Variants in CDH23 observed in about 807,000 individuals in gnomAD.
The protein encoded by CDH23 is cadherin related 23, also known as cadherin-23.
In CDH23, 189 loss-of-function variants were observed where a neutral mutation model predicts 317.1. The observed-to-expected ratio is 0.60, with a 90% CI of 0.53 to 0.67. The LOEUF (loss-of-function observed/expected upper bound fraction) is 0.67. Among genes scored for constraint, CDH23 ranks in the 30% least tolerant of loss-of-function variants. The probability of loss-of-function intolerance (pLI) is 0.00; values close to 1 mark genes in which losing one functional copy is unlikely to be tolerated. For synonymous variants in CDH23, 1,839 were observed against 1,876.8 expected (o/e 0.98, Z 0.52); for missense variants, 4,401 against 4,592.4 (o/e 0.96, Z 1.20).
chr10:71,586,950 T>C (rs1859112331), intron 9 of CDH23, among the ~76,000 whole-genome samples: 1 of 152,252 alleles, frequency 6.6e-6, no homozygotes, highest in Non-Finnish European at 1.5e-5. Context: ...TATTCATCCA[T>C]TTCCCTGTTG....
chr10:71,644,035 A>T (rs1648566565), intron 12 of CDH23, among the ~76,000 whole-genome samples, 169 bp downstream of exon 12: 1 of 152,190 alleles, frequency 6.6e-6, no homozygotes, highest in African/African-American at 2.4e-5. Flanking sequence ...AGTTGGTGTC[A>T]CCTGTTCAAA....
chr10:71,694,081 C>T, intron 20 of CDH23, 66 bp from the exon 21 acceptor site: 3 of 1,234,054 alleles, frequency 2.4e-6, no homozygotes, highest in Non-Finnish European at 3.6e-6. Context: ...CGCTCTCTCT[C>T]TTCTTCCCTC....
chr10:71,408,856 C>T (rs549537150), intron 1 of CDH23, among the ~76,000 whole-genome samples: 13 of 152,290 alleles, frequency 8.5e-5, no homozygotes, highest in South Asian at 8.3e-4. Flanking sequence ...GTTTTTCCTT[C>T]CTACTTTCCT....
chr10:71,443,912 G>A (rs753679267), intron 2 of CDH23, among the ~76,000 whole-genome samples: 1 of 152,266 alleles, frequency 6.6e-6, no homozygotes, highest in Non-Finnish European at 1.5e-5. Flanking sequence ...CCCACGTCCC[G>A]GAGTCTGCCT....
intron 1 of CDH23, among the ~76,000 whole-genome samples, chr10:71,402,241 G>A (rs1847812932): frequency 1.3e-5 from 2 of 152,268 alleles, no homozygotes; most frequent in Admixed American, 1.3e-4. Flanking sequence ...CTCAGCCTCA[G>A]GGGCTGCAGG....
intron 38 of CDH23, among the ~76,000 whole-genome samples, chr10:71,763,185 T>C (rs902481318): frequency 1.3e-5 from 2 of 152,228 alleles, no homozygotes; most frequent in Non-Finnish European, 2.9e-5. Flanking sequence ...TTTATTTATT[T>C]GTTTTTGAGA....
At chr10:71,662,177 G>A (rs369446021) in intron 14 of CDH23, among the ~76,000 whole-genome samples, 25 of 152,170 alleles carry the variant, frequency 1.6e-4, no homozygotes, top group African/African-American at 5.5e-4. Context: ...GCGAGCAATC[G>A]TGTGGGTATT....
At chr10:71,408,525 G>A (rs1848213330) in intron 1 of CDH23, among the ~76,000 whole-genome samples, 1 of 152,172 alleles carries the variant, frequency 6.6e-6, no homozygotes, top group African/African-American at 2.4e-5. Context: ...CTGGGTCTGA[G>A]TTACCATGGG....
At chr10:71,458,397 T>A (rs1850804162) in intron 3 of CDH23, among the ~76,000 whole-genome samples, 1 of 152,244 alleles carries the variant, frequency 6.6e-6, no homozygotes, top group African/African-American at 2.4e-5. Context: ...ATGCCAGCTC[T>A]GCCACTTATT....
chr10:71,624,483 G>A (rs950705171), intron 11 of CDH23, among the ~76,000 whole-genome samples: 2 of 152,172 alleles, frequency 1.3e-5, no homozygotes, highest in African/African-American at 2.4e-5. Flanking sequence ...ACCTCACAGA[G>A]CGTCTATCAG....
At chr10:71,564,369 T>C (rs368429938) in intron 6 of CDH23, among the ~76,000 whole-genome samples, 1 of 152,212 alleles carries the variant, frequency 6.6e-6, no homozygotes, top group African/African-American at 2.4e-5. Flanking sequence ...TTCTCTCCAA[T>C]AGTTTGTCCC....
At chr10:71,583,482 G>A (rs1394275714) in intron 9 of CDH23, among the ~76,000 whole-genome samples, 1 of 152,094 alleles carries the variant, frequency 6.6e-6, no homozygotes, top group Non-Finnish European at 1.5e-5. Context: ...GAAGAGGTTG[G>A]GGTGTCCAGC....
intron 3 of CDH23, among the ~76,000 whole-genome samples, chr10:71,461,031 C>T (rs1004830020): frequency 2.0e-5 from 3 of 152,224 alleles, no homozygotes; most frequent in African/African-American, 7.2e-5. Context: ...GGAAACAGTA[C>T]ACACAGAGGC....
At chr10:71,743,824 G>A (rs1839793496) in intron 38 of CDH23, among the ~76,000 whole-genome samples, 1 of 152,194 alleles carries the variant, frequency 6.6e-6, no homozygotes, top group Non-Finnish European at 1.5e-5. Flanking sequence ...TTCCTACAGA[G>A]CAAAAATTCT....
intron 38 of CDH23, among the ~76,000 whole-genome samples, chr10:71,745,476 G>A (rs894264457): frequency 9.2e-5 from 14 of 152,100 alleles, no homozygotes; most frequent in Non-Finnish European, 1.5e-4. Context: ...TATGGGACTC[G>A]CCATAAGAGC....
rs1224816403 is a variant in CDH23 at position 71,759,922 on chromosome 10, C to CATATAT, written c.4846-17757_4846-17756insTATATA. On this transcript the variant is annotated intron_variant, in intron 38 of 69. Transcript: ENST00000224721. ...ACATATATACACACACACATATATA[C>CATATAT]ACACACACATATATACACACACACA... Among the ~76,000 whole-genome samples, 2 of 40,252 alleles carry CATATAT rather than the reference C, an allele frequency of 5.0e-5. 1 individual carries two copies. The highest frequency in any genetic ancestry group is 1.3e-4 in the Non-Finnish European group (2 of 15,648). The allele number at this position is 40,252 out of a possible 152,430, so 26.4% of individuals were successfully genotyped here.
chr10:71,716,001 G>A, intron 28 of CDH23: 2 of 1,500,240 alleles, frequency 1.3e-6, no homozygotes, highest in South Asian at 1.3e-5. Context: ...GGCAGGGGCT[G>A]TCGAGGGACG....
intron 8 of CDH23, among the ~76,000 whole-genome samples, chr10:71,574,538 C>A (rs368329248): frequency 1.3e-5 from 2 of 152,154 alleles, no homozygotes; most frequent in African/African-American, 2.4e-5. Context: ...CTGCTCCCCC[C>A]AAGGACGCCT....
intron 3 of CDH23, among the ~76,000 whole-genome samples, chr10:71,494,533 G>A (rs1852847793): frequency 6.6e-6 from 1 of 152,166 alleles, no homozygotes; most frequent in South Asian, 2.1e-4. Context: ...TGGAGTGCGG[G>A]AATACCTTCC....
Sources: allele counts gnomAD v4.1 joint callset (sites outside exome capture counted in the v4.1 genomes callset), GRCh38; gene constraint gnomAD v4.1.1; transcripts MANE v1.5; gene names NCBI Gene and HGNC (gene_info 2026-07-23, HGNC 2026-07-21).